Variants in PVT1 observed in about 807,000 individuals in gnomAD.
PVT1 encodes the protein CXCR4/PVT1 fusion.
At chr8:127,892,726 G>C (rs1271410594) in intron 3 of PVT1, among the ~76,000 whole-genome samples, 1 of 152,162 alleles carries the variant, frequency 6.6e-6, no homozygotes, top group Non-Finnish European at 1.5e-5. Flanking sequence ...GTGCTGGGCT[G>C]TGCTTGACTG....
intron 6 of PVT1, among the ~76,000 whole-genome samples, chr8:128,097,343 CA>C (rs1814442376): frequency 6.6e-6 from 1 of 152,014 alleles, no homozygotes; most frequent in South Asian, 2.1e-4. Context: ...GCCTGGGCGA[CA>C]GAGTGAGACT....
intron 3 of PVT1, among the ~76,000 whole-genome samples, chr8:127,961,975 T>C (rs1352636198): frequency 6.6e-6 from 1 of 152,200 alleles, no homozygotes; most frequent in African/African-American, 2.4e-5. Context: ...AGATAATGAA[T>C]GTAGAATTTT....
intron 4 of PVT1, among the ~76,000 whole-genome samples, chr8:128,065,077 G>A (rs564443976): frequency 6.6e-6 from 1 of 152,322 alleles, no homozygotes; most frequent in African/African-American, 2.4e-5. Flanking sequence ...AATTGCCCAA[G>A]TTTACACAGC....
At chr8:128,019,129 G>A (rs1003390650) in intron 4 of PVT1, among the ~76,000 whole-genome samples, 38 of 152,310 alleles carry the variant, frequency 2.5e-4, no homozygotes, top group African/African-American at 8.2e-4. Context: ...ACTGCGTCTG[G>A]ACCAGCTGAA....
At chr8:128,083,405 C>T (rs1814214970) in intron 5 of PVT1, among the ~76,000 whole-genome samples, 1 of 152,236 alleles carries the variant, frequency 6.6e-6, no homozygotes, top group Non-Finnish European at 1.5e-5. Flanking sequence ...AGAACCTTCA[C>T]CCTTTCACTA....
chr8:127,814,761 C>A (rs1156486396), intron 2 of PVT1, among the ~76,000 whole-genome samples: 1 of 152,110 alleles, frequency 6.6e-6, no homozygotes, highest in Non-Finnish European at 1.5e-5. Flanking sequence ...TAACCATCAC[C>A]GCTAATCTAA....
chr8:127,811,601 G>A (rs1814595358), intron 2 of PVT1, among the ~76,000 whole-genome samples: 1 of 152,200 alleles, frequency 6.6e-6, no homozygotes, highest in Non-Finnish European at 1.5e-5. Context: ...ATTCTGAATT[G>A]CTTCAGTTCC....
At chr8:127,874,860 C>T (rs1815387770) in intron 2 of PVT1, among the ~76,000 whole-genome samples, 1 of 152,030 alleles carries the variant, frequency 6.6e-6, no homozygotes, top group Non-Finnish European at 1.5e-5. Context: ...TTTTGGCCTG[C>T]CACCTGGCCC....
At chr8:128,064,120 T>C (rs1254359188) in intron 4 of PVT1, among the ~76,000 whole-genome samples, 1 of 152,188 alleles carries the variant, frequency 6.6e-6, no homozygotes, top group Non-Finnish European at 1.5e-5. Flanking sequence ...CTATTGATAG[T>C]CCTTCCTGCA....
chr8:128,001,582 A>G (rs558181409), intron 4 of PVT1, among the ~76,000 whole-genome samples: 1 of 152,188 alleles, frequency 6.6e-6, no homozygotes, highest in East Asian at 1.9e-4. Context: ...ACCTTGAGCC[A>G]CTCACAGAGT....
intron 2 of PVT1, among the ~76,000 whole-genome samples, chr8:127,816,851 C>G (rs533680419): frequency 5.3e-5 from 8 of 152,310 alleles, no homozygotes; most frequent in African/African-American, 1.9e-4. Flanking sequence ...TTCCATGCTG[C>G]CTTCAGCTTC....
At position 127,898,945 on chromosome 8, in the gene PVT1, C is replaced by A. The variant is rs1037051017; in HGVS notation, n.782+7947C>A. ...AAGTGCAATGGACACCCCCACCCCC[C>A]GTTGACTTATCTGGCTCCAACCGAA... is the stretch of plus-strand genomic sequence containing the variant. On this transcript the variant is annotated intron_variant and non_coding_transcript_variant, in intron 3 of 10. Coordinates refer to ENST00000651587, the Ensembl canonical transcript of PVT1. The surrounding 1 kb of genome is among the most constrained non-coding windows in gnomAD (Gnocchi z 4.4). Among the ~76,000 whole-genome samples, 1 of 152,244 alleles carries A rather than the reference C, an allele frequency of 6.6e-6. No individual in the cohort carries two copies. The highest frequency in any genetic ancestry group is 1.5e-5 in the Non-Finnish European group (1 of 68,016).
At chr8:127,910,042 T>G (rs1448190676) in intron 3 of PVT1, among the ~76,000 whole-genome samples, 1 of 151,670 alleles carries the variant, frequency 6.6e-6, no homozygotes, top group Non-Finnish European at 1.5e-5. Context: ...TGTGTGGGGA[T>G]TGGTTGCAAG....
At chr8:127,925,550 C>A (rs7816118) in intron 3 of PVT1, among the ~76,000 whole-genome samples, 5,955 of 152,184 alleles carry the variant, frequency 0.039, 405 homozygotes, top group African/African-American at 0.14. Flanking sequence ...TGGTAGGATT[C>A]ATTAATTAAT....
chr8:127,862,933 C>G (rs1215297002), intron 2 of PVT1, among the ~76,000 whole-genome samples: 3 of 152,086 alleles, frequency 2.0e-5, no homozygotes, highest in Middle Eastern at 3.2e-3. Context: ...CAGTAAGTCC[C>G]CTTTGTTAGG....
intron 5 of PVT1, among the ~76,000 whole-genome samples, chr8:128,071,187 C>T (rs570549372): frequency 5.3e-5 from 8 of 152,152 alleles, no homozygotes; most frequent in Admixed American, 1.3e-4. Context: ...GCAGGTTCTG[C>T]GTGACAGAAA....
At chr8:127,921,632 C>T (rs1372591031) in intron 3 of PVT1, among the ~76,000 whole-genome samples, 7 of 151,842 alleles carry the variant, frequency 4.6e-5, no homozygotes, top group African/African-American at 9.7e-5. Flanking sequence ...GCCAACATAT[C>T]GAAACCCCAT....
intron 4 of PVT1, among the ~76,000 whole-genome samples, chr8:128,055,778 C>T (rs565765867): frequency 6.6e-6 from 1 of 152,280 alleles, no homozygotes; most frequent in South Asian, 2.1e-4. Flanking sequence ...TGAGGTCTCT[C>T]ATCACGAGCA....
At chr8:127,936,842 G>T (rs1410362453) in intron 3 of PVT1, among the ~76,000 whole-genome samples, 1 of 152,208 alleles carries the variant, frequency 6.6e-6, no homozygotes, top group Admixed American at 6.5e-5. Flanking sequence ...ACCCACCTCT[G>T]CAGAGCCACC....
Sources: gnomAD v4.1 joint callset for allele counts (sites outside exome capture counted in the v4.1 genomes callset) on GRCh38, gnomAD v4.1.1 for gene constraint, Gnocchi (gnomAD v3.1) non-coding constraint, MANE v1.5 for transcripts, NCBI Gene and HGNC (gene_info 2026-07-23, HGNC 2026-07-21) for gene names.